The following ZNF541 variants were observed in gnomAD, a reference collection of about 807,000 sequenced individuals.
The protein encoded by ZNF541 is zinc finger protein 541.
ZNF541 carries 23 observed loss-of-function variants against 123.5 expected under a neutral mutation model. The ratio of observed to expected loss-of-function variants is 0.19; its 90% CI spans 0.13 to 0.26. The LOEUF (loss-of-function observed/expected upper bound fraction) is 0.26, where lower values mean the gene tolerates loss of function less well. Among genes scored for constraint, ZNF541 ranks in the 10% least tolerant of loss-of-function variants. The pLI is 1.00. For synonymous variants in ZNF541, 751 were observed against 754.5 expected, an observed-to-expected ratio of 1.00 and a Z score of 0.08; for missense variants, 1,612 against 1,789.9, an observed-to-expected ratio of 0.90 and a Z score of 1.79.
At position 47,544,378 on chromosome 19, in the gene ZNF541, C is replaced by T. The variant is rs1373429268; in HGVS notation, c.2151G>A (p.Gln717=). 1 of 1,551,552 alleles carries T rather than the reference C, an allele frequency of 6.4e-7. No individual in the cohort carries two copies. The highest frequency in any genetic ancestry group is 8.7e-7 in the Non-Finnish European group (1 of 1,147,018). ...EPPGASLPGK[Q]APAENGAASR... Reference sequence around the variant, plus strand: ...AAGCCGCGCCATTCTCGGCTGGGGCCTGCTTCCCTGGCAGCGAGGCTCCTG... The same window carrying T: ...AAGCCGCGCCATTCTCGGCTGGGGCTTGCTTCCCTGGCAGCGAGGCTCCTG... The change falls in exon 5 of 17, where the codon CAG becomes CAA. Residue 717 remains glutamine (Q), a synonymous_variant. Coordinates refer to ENST00000391901, the MANE Select transcript of ZNF541 (RefSeq NM_001277075.3).
chr19:47,563,379 T>C (rs1599739102), intron 2 of ZNF541, among the ~76,000 whole-genome samples: 1 of 152,144 alleles, frequency 6.6e-6, no homozygotes, highest in Admixed American at 6.5e-5. Context: ...AAGCAACATG[T>C]AGGGTCAGGT....
chr19:47,559,503 A>G (rs1374193318), intron 2 of ZNF541, among the ~76,000 whole-genome samples: 1 of 152,144 alleles, frequency 6.6e-6, no homozygotes, highest in African/African-American at 2.4e-5. Flanking sequence ...CAACTTTAAC[A>G]AAACTCTGGG....
At position 47,521,553 on chromosome 19, in the gene ZNF541, T is replaced by C; in HGVS notation, c.3813A>G (p.Ala1271=). The C allele has an allele frequency of 1.3e-6, 2 of 1,551,662 alleles. No homozygotes were observed. Among genetic ancestry groups the C allele is most frequent in the Non-Finnish European group, 8.7e-7 (1 of 1,146,962 alleles). The part of the protein sequence containing the change: ...RESILSSSPN[A]GSKRTPELLG... ...ACAGCTCGGGGGTCCGCTTGGAGCC[T>C]GCATTTGGGCTGGAGCTGAGGATGG... Residue 1271 remains alanine (A), a synonymous_variant, in exon 16 of 17, where the codon GCA becomes GCG. Transcript: ENST00000391901. This position sits in a 1 kb window ranked among gnomAD's most constrained non-coding sequence, Gnocchi z 4.2.
rs529169129 is a variant in ZNF541 at position 47,549,277 on chromosome 19, G to C, written c.516C>G (p.Ile172Met). The part of the protein sequence containing the change: ...HSQERKHVCK[I>M]CSKAFKRQDH... ...CCTGGCGCTTAAAGGCCTTGCTGCAGATTTTGCAGACGTGCTTCCTTTCCT... is the reference window on the plus strand; with the variant it reads ...CCTGGCGCTTAAAGGCCTTGCTGCACATTTTGCAGACGTGCTTCCTTTCCT... Residue 172 changes from isoleucine to methionine, a missense_variant, in exon 4 of 17, where the codon ATC (isoleucine) becomes ATG (methionine). This residue lies in a region of ZNF541 where 212 missense variants were observed against 289.6 expected (regional missense o/e 0.73). Transcript: ENST00000391901. 1 of 1,551,990 alleles carries C rather than the reference G, an allele frequency of 6.4e-7. No homozygotes were observed. Among genetic ancestry groups the C allele is most frequent in the South Asian group, 1.2e-5 (1 of 84,054 alleles).
chr19:47,557,257 C>T (rs1033926849), intron 2 of ZNF541, among the ~76,000 whole-genome samples: 1 of 152,028 alleles, frequency 6.6e-6, no homozygotes, highest in Non-Finnish European at 1.5e-5. Context: ...GCCTTGAGTT[C>T]CCAGGAAACG....
intron 9 of ZNF541, 35 bp downstream of exon 9, chr19:47,538,107 T>G: frequency 6.5e-7 from 1 of 1,548,304 alleles, no homozygotes; most frequent in African/African-American, 1.4e-5. Flanking sequence ...CAATCCACCC[T>G]GGGATCACAG....
rs1389404471 is a variant in ZNF541 at position 47,545,124 on chromosome 19, C to G, written c.1405G>C (p.Glu469Gln). The G allele has an allele frequency of 6.7e-7, 1 of 1,483,230 alleles. No homozygotes were observed. The highest frequency in any genetic ancestry group is 2.5e-5 in the East Asian group (1 of 40,296). The allele number at this position is 1,483,230 out of a possible 1,614,324, so 91.9% of individuals were successfully genotyped here. A position where few individuals can be genotyped will look rare whatever the true frequency, so the allele number is the denominator to read the frequency against. ...ESPPGPGGGL[E>Q]DALPFPAALL... ...GCGGCAGGGAAGGGCAGAGCATCCT[C>G]CAGGCCACCGCCGGGGCCGGGCGGG... Residue 469 changes from glutamate (E) to glutamine (Q), a missense_variant, in exon 5 of 17, where the codon GAG becomes CAG. Physicochemically the swap from Glu to Gln is conservative, Grantham distance 29. Around this residue, in one of 5 missense-constraint regions of ZNF541, gnomAD observed 1,080 missense variants for 1,013.8 expected, o/e 1.07. Coordinates refer to ENST00000391901, the MANE Select transcript of ZNF541 (RefSeq NM_001277075.3). The surrounding 1 kb of genome is among the most constrained non-coding windows in gnomAD (Gnocchi z 7.5).
Position 47,551,048 on chromosome 19 carries a change from T to G in ZNF541, c.308-1563A>C, listed in dbSNP as rs562888064. 1.1e-3 allele frequency among the ~76,000 whole-genome samples: 158 copies of G among 148,270 alleles called. 2 individuals carry two copies. Among genetic ancestry groups the G allele is most frequent in the Non-Finnish European group, 6.6e-4 (45 of 67,900 alleles). On this transcript the variant is annotated intron_variant, in intron 3 of 16. Coordinates refer to ENST00000391901, the MANE Select transcript of ZNF541 (RefSeq NM_001277075.3). ...AAAGGTGGATTAGACTGTCTTTTTT[T>G]TTTTAATTTTTTTTTTTTTTGAGAC...
intron 9 of ZNF541, among the ~76,000 whole-genome samples, chr19:47,537,807 C>T (rs986008448): frequency 1.3e-5 from 2 of 150,730 alleles, no homozygotes; most frequent in Admixed American, 6.6e-5. Context: ...ACCAGGAGAT[C>T]GAGGCTGCAG....
At chr19:47,557,024 C>T (rs1339768602) in intron 2 of ZNF541, among the ~76,000 whole-genome samples, 1 of 152,108 alleles carries the variant, frequency 6.6e-6, no homozygotes, top group Non-Finnish European at 1.5e-5. Context: ...TCCCAAAGTG[C>T]TGGGATTACA....
intron 14 of ZNF541, among the ~76,000 whole-genome samples, chr19:47,522,663 G>A (rs1174954606): frequency 1.3e-5 from 2 of 151,820 alleles, no homozygotes; most frequent in Non-Finnish European, 2.9e-5. Flanking sequence ...AGTCATGGTG[G>A]TGCATGCCTG....
chr19:47,527,887 C>T (rs1320641384), intron 14 of ZNF541, among the ~76,000 whole-genome samples: 5 of 150,772 alleles, frequency 3.3e-5, no homozygotes, highest in African/African-American at 1.2e-4. Context: ...TTAGTAGAGA[C>T]AGGGTTTCTC....
chr19:47,567,042 C>T (rs957708194), intron 2 of ZNF541, among the ~76,000 whole-genome samples: 4 of 151,782 alleles, frequency 2.6e-5, no homozygotes, highest in African/African-American at 7.2e-5. Context: ...CAGAGCGAGA[C>T]TCCATCTCAA....
intron 9 of ZNF541, among the ~76,000 whole-genome samples, chr19:47,536,580 C>T (rs1251126582): frequency 6.6e-6 from 1 of 151,968 alleles, no homozygotes; most frequent in African/African-American, 2.4e-5. Flanking sequence ...TGGCAAGACC[C>T]CCCTCCCTAC....
At chr19:47,549,115 A>C (rs1600033711) in intron 4 of ZNF541, 130 bp downstream of exon 4, 2 of 1,282,356 alleles carry the variant, frequency 1.6e-6, no homozygotes, top group East Asian at 5.1e-5. Context: ...GAGCAGAGGT[A>C]ATACACGTCT....
At chr19:47,541,089 C>A in intron 5 of ZNF541, 138 bp from the exon 6 acceptor site, 1 of 746,894 alleles carries the variant, frequency 1.3e-6, no homozygotes. Flanking sequence ...AGATAAGACA[C>A]CAAAGCAAAA....
intron 14 of ZNF541, 81 bp downstream of exon 14, chr19:47,528,869 G>A (rs1184437395): frequency 4.2e-6 from 5 of 1,200,280 alleles, no homozygotes; most frequent in East Asian, 2.5e-5. Flanking sequence ...GGGGCCCTCC[G>A]ACCCCCGACC....
At chr19:47,522,402 TAGA>T (rs1969079172) in intron 14 of ZNF541, among the ~76,000 whole-genome samples, 1 of 152,214 alleles carries the variant, frequency 6.6e-6, no homozygotes, top group Non-Finnish European at 1.5e-5. Context: ...TGACCCACTC[TAGA>T]AGAAGGGGAG....
chr19:47,544,257 G>C lies in ZNF541; in HGVS notation c.2272C>G (p.Arg758Gly). Residue 758 changes from arginine (R) to glycine (G), a missense_variant, in exon 5 of 17, where the codon CGG becomes GGG. Arg to Gly is a moderately radical substitution (Grantham distance 125). Around this residue, in one of 5 missense-constraint regions of ZNF541, gnomAD observed 1,080 missense variants for 1,013.8 expected, o/e 1.07. Coordinates refer to ENST00000391901, the MANE Select transcript of ZNF541 (RefSeq NM_001277075.3). ...ATATCCATCTTCGCCTTCTCTTTCC[G>C]GAAGCCGGAGAATCGCGGGGCCCTG... Reference protein sequence around the residue: ...NPRAPRFSGFRKEKAKMDMCC... With the variant: ...NPRAPRFSGFGKEKAKMDMCC... 1.3e-6 allele frequency: 2 copies of C among 1,551,578 alleles called. No homozygotes were observed. The highest frequency in any genetic ancestry group is 1.2e-5 in the South Asian group (1 of 84,064).
Sources: gnomAD v4.1 joint callset for allele counts (sites outside exome capture counted in the v4.1 genomes callset) on GRCh38, gnomAD v4.1.1 for gene constraint, gnomAD v4.1.1 regional missense constraint, Gnocchi (gnomAD v3.1) non-coding constraint, MANE v1.5 for transcripts, NCBI Gene and HGNC (gene_info 2026-07-23, HGNC 2026-07-21) for gene names.